The following TTN variants were observed in gnomAD, a reference collection of about 807,000 sequenced individuals.
TTN encodes the protein connectin.
A neutral mutation model predicts 3,223.0 loss-of-function variants in TTN; 1,525 were observed. The observed-to-expected ratio is 0.47, with a 90% CI of 0.45 to 0.49. TTN has a LOEUF of 0.49. Ranked by LOEUF, TTN falls within the 20% of genes least tolerant of loss-of-function variation. The pLI is 0.00. For synonymous variants in TTN, 14,094 were observed against 15,161.0 expected (o/e 0.93, Z 5.17); for missense variants, 40,786 against 43,424.0 (o/e 0.94, Z 5.40).
At chr2:178,638,031 G>A (rs2060718731) in intron 223 of TTN, among the ~76,000 whole-genome samples, 1 of 151,976 alleles carries the variant, frequency 6.6e-6, no homozygotes, top group African/African-American at 2.4e-5. Flanking sequence ...ACTGTGGAAT[G>A]AGTTCTCTAG....
At chr2:178,594,735 T>C in intron 295 of TTN, 89 bp from the exon 296 acceptor site, 1 of 1,124,028 alleles carries the variant, frequency 8.9e-7, no homozygotes, top group Non-Finnish European at 1.3e-6. Flanking sequence ...TTCTGAAGAT[T>C]GCATTTAAAC....
At chr2:178,745,401 A>C in intron 47 of TTN, 1 of 1,430,954 alleles carries the variant, frequency 7.0e-7, no homozygotes, top group African/African-American at 1.4e-5. Context: ...TTCAGATAAC[A>C]AAATATTTAC....
chr2:178,664,784 G>A, intron 166 of TTN, 47 bp from the exon 167 acceptor site: 2 of 1,610,030 alleles, frequency 1.2e-6, no homozygotes, highest in Non-Finnish European at 1.7e-6. Context: ...CAGATAACTA[G>A]GAATAGCAAA....
At position 178,589,093 on chromosome 2, in the gene TTN, T is replaced by G. The variant is rs1470748172; in HGVS notation, c.62632A>C (p.Ser20878Arg). The change falls in exon 304 of 363, where the codon AGT becomes CGT. Residue 20878 changes from serine (S) to arginine (R), a missense_variant. Ser to Arg is a moderately radical substitution (Grantham distance 110, BLOSUM62 -1). Transcript: ENST00000589042. The stretch of plus-strand genomic sequence containing the variant: ...TCCCAGCAAACAGTACACCTATCAC[T>G]GGACACATCAACAATTTTCAGATTT... Reference protein sequence around the residue: ...VRNLKIVDVSSDRCTVCWDPP... With the variant: ...VRNLKIVDVSRDRCTVCWDPP... 1.2e-6 allele frequency: 2 copies of G among 1,610,562 alleles called. No individual in the cohort carries two copies. Among genetic ancestry groups the G allele is most frequent in the Admixed American group, 3.3e-5 (2 of 59,944 alleles).
chr2:178,606,494 T>G (rs2054857498), intron 278 of TTN, among the ~76,000 whole-genome samples: 2 of 151,886 alleles, frequency 1.3e-5, no homozygotes, highest in Admixed American at 1.3e-4. Context: ...GTGTGTGCAA[T>G]TTTAGTGTTT....
chr2:178,785,488 G>T, intron 15 of TTN, 132 bp downstream of exon 15: 2 of 1,348,932 alleles, frequency 1.5e-6, no homozygotes, highest in East Asian at 2.4e-5. Flanking sequence ...GGCCCACTGT[G>T]AATGCAAACA....
rs1043220026 is a variant in TTN, at chr2:178,587,114, T to G, written c.64093+4A>C. The G allele has an allele frequency of 1.2e-6, 2 of 1,613,084 alleles. No homozygotes were observed. ...TAAAAGGAGGAAGAAAGCATAATAC[T>G]TACTTAGAGGATCTGATGCAAGCAC... On this transcript the variant is annotated splice_donor_region_variant and intron_variant, in intron 307 of 362. Coordinates refer to ENST00000589042, the MANE Select transcript of TTN (RefSeq NM_001267550.2).
intron 43 of TTN, among the ~76,000 whole-genome samples, chr2:178,761,425 C>T (rs1041754867): frequency 3.9e-5 from 6 of 152,176 alleles, no homozygotes; most frequent in African/African-American, 1.4e-4. Flanking sequence ...GCTGTATTAT[C>T]CAGCCTTCTT....
chr2:178,631,218 G>A lies in TTN; in HGVS notation c.43830C>T (p.Ser14610=), dbSNP rs2154220267. The A allele has an allele frequency of 1.9e-6, 3 of 1,612,920 alleles. No homozygotes were observed. The highest frequency in any genetic ancestry group is 2.5e-6 in the Non-Finnish European group (3 of 1,179,482). The change falls in exon 237 of 363, where the codon AGC becomes AGT. Residue 14610 remains serine, a synonymous_variant. Coordinates refer to ENST00000589042, the MANE Select transcript of TTN (RefSeq NM_001267550.2). ...ACCATTTCACTGGTGCATCTGCTTT[G>A]CTAATTTCACACTGTAGAATAACTT... The part of the protein sequence containing the change: ...KDEVILQCEI[S]KADAPVKWFK...
chr2:178,554,851 T>C lies in TTN; in HGVS notation c.88594+14A>G. ...GCAAATGTAATATGACAGTGGTCTG[T>C]ATTCAGCACCTACCAAGGATCTGTA... On this transcript the variant is annotated intron_variant, in intron 331 of 362. Transcript: ENST00000589042. 6 of 1,613,772 alleles carry C rather than the reference T, an allele frequency of 3.7e-6. No individual in the cohort carries two copies. Among genetic ancestry groups the C allele is most frequent in the Non-Finnish European group, 5.1e-6 (6 of 1,179,794 alleles).
intron 47 of TTN, chr2:178,751,109 T>G (rs760948149): frequency 6.2e-7 from 1 of 1,612,870 alleles, no homozygotes; most frequent in East Asian, 2.2e-5. Flanking sequence ...CTCAGCTGAA[T>G]GATCTACCTT....
chr2:178,571,630 C>T lies in TTN; in HGVS notation c.74502G>A (p.Lys24834=), dbSNP rs1395184310. Residue 24834 remains lysine, a synonymous_variant, in exon 326 of 363, where the codon AAG becomes AAA. Transcript: ENST00000589042. ...TATTGATAGAACTTCCACCATCATACTTGGGTGGGCCCCAGGAAAGAGTAA... is the reference window on the plus strand; with the variant it reads ...TATTGATAGAACTTCCACCATCATATTTGGGTGGGCCCCAGGAAAGAGTAA... ...DSITLSWGPP[K]YDGGSSINNY... is the part of the protein sequence containing the mutation. 1 of 1,613,328 alleles carries T rather than the reference C, an allele frequency of 6.2e-7. No individual in the cohort carries two copies.
Position 178,683,253 on chromosome 2 carries a change from C to A in TTN, c.32845G>T (p.Val10949Leu). Residue 10949 changes from valine (V) to leucine (L), a missense_variant, in exon 134 of 363, where the codon GTA (valine) becomes TTA (leucine). By Grantham distance (32) the Val-to-Leu change is conservative. Coordinates refer to ENST00000589042, the MANE Select transcript of TTN (RefSeq NM_001267550.2). ...TCTCTTTTTGGAGCTTCAATTGATA[C>A]TTTTTCTTCTTTAACCACTCTTTTT... ...FRKRVVKEEK[V>L]SIEAPKREPQ... 1 of 1,551,276 alleles carries A rather than the reference C, an allele frequency of 6.4e-7. No individual in the cohort carries two copies. The highest frequency in any genetic ancestry group is 8.7e-7 in the Non-Finnish European group (1 of 1,145,400).
chr2:178,706,937 G>C lies in TTN; in HGVS notation c.29059C>G (p.Pro9687Ala). 6.2e-7 allele frequency: 1 copy of C among 1,609,592 alleles called. No individual in the cohort carries two copies. Among genetic ancestry groups the C allele is most frequent in the Admixed American group, 1.7e-5 (1 of 59,394 alleles). Reference protein sequence around the residue: ...VTIKDKPAVAPATKKAAVDGR... With the variant: ...VTIKDKPAVAAATKKAAVDGR... ...TCTACCGCAGCTTTCTTGGTTGCTGGGGCCACAGCTGGTTTGTCTGAAAAA... is the reference window on the plus strand; with the variant it reads ...TCTACCGCAGCTTTCTTGGTTGCTGCGGCCACAGCTGGTTTGTCTGAAAAA... The change falls in exon 101 of 363, where the codon CCA (proline) becomes GCA (alanine). Residue 9687 changes from proline (P) to alanine (A), a missense_variant. By Grantham distance (27) the Pro-to-Ala change is conservative. Transcript: ENST00000589042.
chr2:178,574,792 G>A lies in TTN; in HGVS notation c.71340C>T (p.Thr23780=), dbSNP rs540210124. The A allele has an allele frequency of 1.9e-5, 30 of 1,612,114 alleles. No individual in the cohort carries two copies. Among genetic ancestry groups the A allele is most frequent in the South Asian group, 7.7e-5 (7 of 90,880 alleles). The part of the protein sequence containing the change: ...DSTTWVELAT[T]VIRTTYKATR... ...TGGCTTTATAGGTAGTACGTATAAC[G>A]GTGGTTGCTAACTCAACCCAGGTAG... Residue 23780 remains threonine, a synonymous_variant, in exon 326 of 363, where the codon ACC becomes ACT. Transcript: ENST00000589042.
At position 178,727,725 on chromosome 2, in the gene TTN, G is replaced by A; in HGVS notation, c.19853C>T (p.Pro6618Leu). 2 of 1,613,266 alleles carry A rather than the reference G, an allele frequency of 1.2e-6. No homozygotes were observed. Among genetic ancestry groups the A allele is most frequent in the African/African-American group, 1.3e-5 (1 of 74,966 alleles). The change falls in exon 68 of 363, where the codon CCT becomes CTT. Residue 6618 changes from proline (P) to leucine (L), a missense_variant. By Grantham distance (98) the Pro-to-Leu change is moderately conservative. Coordinates refer to ENST00000589042, the MANE Select transcript of TTN (RefSeq NM_001267550.2). Reference sequence around the variant, plus strand: ...CCCTTCCAAGCCAATGAAACATTTAGGACCTGAGACAAGTTCCACATCATC... The same window carrying A: ...CCCTTCCAAGCCAATGAAACATTTAAGACCTGAGACAAGTTCCACATCATC... Reference protein sequence around the residue: ...FKDDVELVSGPKCFIGLEGST... With the variant: ...FKDDVELVSGLKCFIGLEGST...
At chr2:178,686,378 C>A (rs2070922637) in intron 127 of TTN, among the ~76,000 whole-genome samples, 1 of 151,538 alleles carries the variant, frequency 6.6e-6, no homozygotes, top group African/African-American at 2.4e-5. Flanking sequence ...CCTCGGCCTC[C>A]CAAAGTGCTG....
chr2:178,684,319 G>A lies in TTN; in HGVS notation c.32722+11C>T, dbSNP rs1320373655. On this transcript the variant is annotated intron_variant, in intron 132 of 362. Transcript: ENST00000589042. ...AGTACAATATTGTGCATAATGGAAG[G>A]GCGGATGTACCTCTTGCTTTTGGAG... is the stretch of plus-strand genomic sequence containing the variant. 1.9e-6 allele frequency: 3 copies of A among 1,612,542 alleles called. No individual in the cohort carries two copies. The highest frequency in any genetic ancestry group is 1.7e-5 in the Admixed American group (1 of 59,810).
chr2:178,682,622 A>T (rs1372256985), intron 135 of TTN, 75 bp downstream of exon 135: 1 of 1,351,026 alleles, frequency 7.4e-7, no homozygotes, highest in Non-Finnish European at 9.9e-7. Flanking sequence ...TTATCTTGTT[A>T]TGATTTATCT....
Sources: gnomAD v4.1 joint callset for allele counts (sites outside exome capture counted in the v4.1 genomes callset) on GRCh38, gnomAD v4.1.1 for gene constraint, MANE v1.5 for transcripts, NCBI Gene and HGNC (gene_info 2026-07-23, HGNC 2026-07-21) for gene names.